PCSK6: variants seen among roughly 807,000 people sequenced by gnomAD.
PCSK6 encodes paired basic amino acid cleaving enzyme 4.
A neutral mutation model predicts 123.3 loss-of-function variants in PCSK6; 85 were observed. That is an observed-to-expected ratio of 0.69 (90% CI 0.58 to 0.83). The LOEUF is 0.83. Ranked by LOEUF, PCSK6 falls within the 40% of genes least tolerant of loss-of-function variation. PCSK6 has a pLI of 0.00. For missense variants in PCSK6, 1,191 were observed against 1,282.3 expected (o/e 0.93, Z 1.09); for synonymous variants, 508 against 516.0 (o/e 0.98, Z 0.21).
At chr15:101,484,176 A>G (rs986073176) in intron 1 of PCSK6, among the ~76,000 whole-genome samples, 1 of 152,200 alleles carries the variant, frequency 6.6e-6, no homozygotes, top group Admixed American at 6.5e-5. Flanking sequence ...ACGTATGTTT[A>G]TACATACACA....
intron 6 of PCSK6, among the ~76,000 whole-genome samples, chr15:101,399,474 C>T (rs550000302): frequency 3.9e-4 from 59 of 152,240 alleles, no homozygotes; most frequent in African/African-American, 1.2e-3. Context: ...GTCCAGCTTC[C>T]TCGAGAGCAC....
intron 13 of PCSK6, among the ~76,000 whole-genome samples, chr15:101,349,297 A>G (rs2040830440): frequency 6.6e-6 from 1 of 152,226 alleles, no homozygotes; most frequent in South Asian, 2.1e-4. Context: ...TTTCTCGGGA[A>G]AAGTGTTGCT....
intron 6 of PCSK6, 98 bp downstream of exon 6, chr15:101,427,794 G>T: frequency 1.0e-6 from 1 of 974,200 alleles, no homozygotes; most frequent in Non-Finnish European, 1.5e-6. Flanking sequence ...CATGGCCAAA[G>T]CCAAAAAACA....
At chr15:101,465,020 G>A (rs535259427) in intron 1 of PCSK6, among the ~76,000 whole-genome samples, 11 of 152,310 alleles carry the variant, frequency 7.2e-5, no homozygotes, top group Admixed American at 5.9e-4. Context: ...AAGAGGGCAA[G>A]CCTGATCAGA....
chr15:101,390,388 T>C (rs1214467547), intron 8 of PCSK6, among the ~76,000 whole-genome samples: 1 of 54,736 alleles, frequency 1.8e-5, no homozygotes, highest in Non-Finnish European at 3.6e-5. Context: ...GTTATTCCAA[T>C]GAGCTTTGCA....
chr15:101,437,198 G>C (rs1477569039), intron 2 of PCSK6, among the ~76,000 whole-genome samples: 2 of 152,204 alleles, frequency 1.3e-5, no homozygotes, highest in African/African-American at 2.4e-5. Context: ...CAAGTTCTCC[G>C]AGTGAGGGAT....
chr15:101,422,154 G>A lies in PCSK6; in HGVS notation c.823+5738C>T, dbSNP rs144155350. Among the ~76,000 whole-genome samples, 534 of 152,274 alleles carry A rather than the reference G, an allele frequency of 3.5e-3. 3 individuals carry two copies. The highest frequency in any genetic ancestry group is 0.011 in the African/African-American group (464 of 41,550). ...GCTAGAACTCAAATACTGAAGTACA[G>A]TAAAATGTCATCTTATTCTCCAGAG... On this transcript the variant is annotated intron_variant, in intron 6 of 21. Transcript: ENST00000611716.
At chr15:101,440,457 T>C (rs961298376) in intron 2 of PCSK6, among the ~76,000 whole-genome samples, 1 of 152,236 alleles carries the variant, frequency 6.6e-6, no homozygotes. Context: ...CTTTCCCAAA[T>C]GTACATTCTA....
chr15:101,422,746 C>T (rs2056124614), intron 6 of PCSK6, among the ~76,000 whole-genome samples: 1 of 152,128 alleles, frequency 6.6e-6, no homozygotes, highest in African/African-American at 2.4e-5. Context: ...CTCAGCCTCC[C>T]AAGTAGCTGG....
At chr15:101,441,709 C>T (rs965736515) in intron 2 of PCSK6, among the ~76,000 whole-genome samples, 3 of 152,210 alleles carry the variant, frequency 2.0e-5, no homozygotes, top group Non-Finnish European at 4.4e-5. Context: ...AATCCACGGT[C>T]CCCGTCTCTT....
chr15:101,462,739 A>G (rs559981697), intron 1 of PCSK6, among the ~76,000 whole-genome samples: 1 of 152,270 alleles, frequency 6.6e-6, no homozygotes, highest in African/African-American at 2.4e-5. Context: ...ACTTCACATC[A>G]AACACAAAAC....
chr15:101,387,881 C>T (rs190827916), intron 9 of PCSK6, among the ~76,000 whole-genome samples: 4 of 152,360 alleles, frequency 2.6e-5, no homozygotes, highest in East Asian at 1.9e-4. Context: ...AGACATCAAC[C>T]GTTCCTTCCT....
intron 1 of PCSK6, among the ~76,000 whole-genome samples, chr15:101,456,364 T>A (rs4547317): frequency 0.75 from 113,558 of 152,122 alleles, 43,019 homozygotes; most frequent in Non-Finnish European, 0.83. Flanking sequence ...ACTCCTGGGC[T>A]GCTCCAACCG....
intron 17 of PCSK6, among the ~76,000 whole-genome samples, chr15:101,322,829 C>T (rs1371728407): frequency 2.0e-5 from 3 of 152,226 alleles, no homozygotes; most frequent in Admixed American, 2.0e-4. Flanking sequence ...GGTCCTCAGA[C>T]AACCACCAGG....
At position 101,370,422 on chromosome 15, in the gene PCSK6, CGAA is replaced by C; in HGVS notation, c.1631_1633del (p.Val544_Arg545delinsGly). ...TCGGCGTGGGTGTGAGATGGAGGTG[CGAA>C]CCACCACGTGCTCCAAGTAGACCAC... On this transcript the variant is annotated inframe_deletion, in exon 12 of 22. Coordinates refer to ENST00000611716, the MANE Select transcript of PCSK6 (RefSeq NM_002570.5). 6.4e-7 allele frequency: 1 copy of C among 1,552,142 alleles called. No individual in the cohort carries two copies. The highest frequency in any genetic ancestry group is 8.7e-7 in the Non-Finnish European group (1 of 1,147,282).
chr15:101,422,581 A>G (rs2056116538), intron 6 of PCSK6, among the ~76,000 whole-genome samples: 2 of 152,046 alleles, frequency 1.3e-5, no homozygotes, highest in South Asian at 2.1e-4. Context: ...AAGAATAATC[A>G]GGTCTCCACA....
chr15:101,412,531 A>C (rs2055725621), intron 6 of PCSK6, among the ~76,000 whole-genome samples: 1 of 151,920 alleles, frequency 6.6e-6, no homozygotes, highest in South Asian at 2.1e-4. Context: ...ATGAAAAAAT[A>C]GAAAGTCTCA....
chr15:101,391,312 G>C (rs565208326), intron 8 of PCSK6, among the ~76,000 whole-genome samples: 3 of 152,362 alleles, frequency 2.0e-5, no homozygotes, highest in African/African-American at 7.2e-5. Context: ...ATGGTGGCCA[G>C]GAGGAGAAAC....
chr15:101,377,709 C>T (rs1401362458), intron 11 of PCSK6, among the ~76,000 whole-genome samples: 1 of 152,188 alleles, frequency 6.6e-6, no homozygotes, highest in East Asian at 1.9e-4. Flanking sequence ...AGGTGATATG[C>T]GGCTAATCCA....
Sources: gnomAD v4.1 joint callset for allele counts (sites outside exome capture counted in the v4.1 genomes callset) on GRCh38, gnomAD v4.1.1 for gene constraint, MANE v1.5 for transcripts, NCBI Gene and HGNC (gene_info 2026-07-23, HGNC 2026-07-21) for gene names.